The following MARK2 variants were observed in gnomAD, a reference collection of about 807,000 sequenced individuals.
The protein encoded by MARK2 is microtubule affinity regulating kinase 2.
Under a neutral mutation model 89.8 loss-of-function variants are expected in MARK2, and 16 were observed. The observed-to-expected ratio is 0.18, with a 90% confidence interval of 0.12 to 0.27. The LOEUF (loss-of-function observed/expected upper bound fraction) is 0.27, where lower values mean the gene tolerates loss of function less well. MARK2 is among the 10% of genes least tolerant of loss of function. The probability of loss-of-function intolerance (pLI) is 1.00; values close to 1 mark genes in which losing one functional copy is unlikely to be tolerated. For missense variants in MARK2, 621 were observed against 1,049.9 expected, an observed-to-expected ratio of 0.59 and a Z score of 5.65; for synonymous variants, 382 against 399.5, an observed-to-expected ratio of 0.96 and a Z score of 0.52.
intron 1 of MARK2, among the ~76,000 whole-genome samples, chr11:63,847,113 A>G (rs1312100841): frequency 6.6e-6 from 1 of 151,994 alleles, no homozygotes; most frequent in Non-Finnish European, 1.5e-5. Flanking sequence ...ACAGAGTGAG[A>G]CCCCATCTCA....
At chr11:63,886,866 T>G (rs1939430524) in intron 1 of MARK2, among the ~76,000 whole-genome samples, 3 of 152,246 alleles carry the variant, frequency 2.0e-5, no homozygotes, top group South Asian at 4.1e-4. Flanking sequence ...TCTGTCACAT[T>G]GCAAAGCCCT....
At chr11:63,890,032 A>G (rs1939706135) in intron 1 of MARK2, among the ~76,000 whole-genome samples, 1 of 152,200 alleles carries the variant, frequency 6.6e-6, no homozygotes, top group South Asian at 2.1e-4. Context: ...GGCCAAGCTG[A>G]ATGGTGCAGC....
intron 1 of MARK2, among the ~76,000 whole-genome samples, chr11:63,887,902 G>C (rs573261923): frequency 7.9e-5 from 12 of 152,188 alleles, no homozygotes; most frequent in Non-Finnish European, 1.6e-4. Context: ...AAACTTGGAG[G>C]TGAGTGAGAA....
rs1315485311 is a variant in MARK2 at position 63,910,187 on chromosome 11, T to C, written c.*950T>C. 1 of 152,498 alleles carries C rather than the reference T, an allele frequency of 6.6e-6. No homozygotes were observed. Among genetic ancestry groups the C allele is most frequent in the Non-Finnish European group, 1.5e-5 (1 of 68,256 alleles). The allele number at this position is 152,498 out of a possible 1,614,324, so 9.4% of individuals were successfully genotyped here. A position where few individuals can be genotyped will look rare whatever the true frequency, so the allele number is the denominator to read the frequency against. On this transcript the variant is annotated 3_prime_UTR_variant, in exon 19 of 19. Transcript: ENST00000402010. ...TGGGCACTCTGTGATGGGGGAGCCTTTGTCTGAAAGCACAGCCCCCTCGCC... is the reference window on the plus strand; with the variant it reads ...TGGGCACTCTGTGATGGGGGAGCCTCTGTCTGAAAGCACAGCCCCCTCGCC...
At chr11:63,873,316 T>G (rs180839354) in intron 1 of MARK2, among the ~76,000 whole-genome samples, 6 of 152,294 alleles carry the variant, frequency 3.9e-5, no homozygotes, top group Non-Finnish European at 7.4e-5. Context: ...AGCTCCATTC[T>G]CTTGTTGCTA....
intron 1 of MARK2, chr11:63,868,839 A>ATAGTGGG (rs1938284358): frequency 2.2e-6 from 1 of 455,946 alleles, no homozygotes; most frequent in African/African-American, 2.0e-5. Context: ...GGAGTTATTT[A>ATAGTGGG]TAGTGGGAGA....
chr11:63,854,167 C>CCAGTCTTTTATTTTATCAACCCTTTAA (rs2016716997), intron 1 of MARK2, among the ~76,000 whole-genome samples: 1 of 147,534 alleles, frequency 6.8e-6, no homozygotes, highest in Non-Finnish European at 1.5e-5. Context: ...GCCACCATGC[C>CCAGTCTTTTATTTTATCAACCCTTTAA]TGGCCAAGAC....
intron 1 of MARK2, among the ~76,000 whole-genome samples, chr11:63,880,919 C>T (rs945579554): frequency 2.0e-5 from 3 of 152,198 alleles, no homozygotes; most frequent in African/African-American, 4.8e-5. Flanking sequence ...ATGAAGACAT[C>T]GCAAAATGTT....
intron 16 of MARK2, among the ~76,000 whole-genome samples, chr11:63,905,691 G>T: frequency 6.6e-6 from 1 of 152,268 alleles, no homozygotes; most frequent in East Asian, 1.9e-4. Flanking sequence ...CCACAGAGGT[G>T]CAGCTTGAAG....
chr11:63,906,529 G>C (rs1941352050), intron 17 of MARK2, among the ~76,000 whole-genome samples: 1 of 150,618 alleles, frequency 6.6e-6, no homozygotes, highest in Non-Finnish European at 1.5e-5. Flanking sequence ...CAAGTGTTGG[G>C]ATCCTTTCCT....
intron 1 of MARK2, among the ~76,000 whole-genome samples, chr11:63,892,499 A>C (rs781273640): frequency 6.6e-6 from 1 of 152,000 alleles, no homozygotes; most frequent in Non-Finnish European, 1.5e-5. Flanking sequence ...TGAGTGCTTC[A>C]CGTACAGCCA....
intron 1 of MARK2, among the ~76,000 whole-genome samples, chr11:63,870,016 C>T (rs780403603): frequency 7.9e-5 from 12 of 152,198 alleles, no homozygotes; most frequent in Non-Finnish European, 1.3e-4. Context: ...AAATTGTTTG[C>T]GCAGAGCTGG....
intron 17 of MARK2, among the ~76,000 whole-genome samples, chr11:63,907,760 T>C (rs1234073231): frequency 6.6e-6 from 1 of 152,126 alleles, no homozygotes; most frequent in African/African-American, 2.4e-5. Flanking sequence ...GACAGGCCCT[T>C]GCGTAGCCAC....
intron 1 of MARK2, chr11:63,889,031 G>A: frequency 8.0e-7 from 1 of 1,246,218 alleles, no homozygotes; most frequent in African/African-American, 1.5e-5. Context: ...CTCAAACATA[G>A]GATCTTTAGA....
At chr11:63,868,492 A>G in intron 1 of MARK2, 2 of 272,838 alleles carry the variant, frequency 7.3e-6, no homozygotes, top group Non-Finnish European at 1.5e-5. Flanking sequence ...AGGTGTGGTA[A>G]TGACTACAGA....
chr11:63,901,997 GTGTT>G (rs1940932175), intron 11 of MARK2, among the ~76,000 whole-genome samples, 197 bp from the exon 12 acceptor site: 1 of 152,112 alleles, frequency 6.6e-6, no homozygotes, highest in Non-Finnish European at 1.5e-5. Context: ...TTCTGAGACT[GTGTT>G]TGTCAGTGTC....
At chr11:63,871,528 T>C (rs1168087590) in intron 1 of MARK2, among the ~76,000 whole-genome samples, 10 of 147,788 alleles carry the variant, frequency 6.8e-5, no homozygotes, top group African/African-American at 1.8e-4. Flanking sequence ...GAGTATTCAC[T>C]GTGTGCAGGT....
chr11:63,853,934 G>A (rs533949771), intron 1 of MARK2, among the ~76,000 whole-genome samples: 14 of 152,014 alleles, frequency 9.2e-5, no homozygotes, highest in Admixed American at 4.6e-4. Flanking sequence ...GTGCAATGGC[G>A]TGATCTGTGC....
Position 63,899,951 on chromosome 11 carries a change from G to A in MARK2, c.609G>A (p.Gly203=). Residue 203 remains glycine (G), a synonymous_variant, in exon 8 of 19, where the codon GGG becomes GGA. Coordinates refer to ENST00000402010, the MANE Select transcript of MARK2 (RefSeq NM_001039469.3). Reference sequence around the variant, plus strand: ...GCTTCAGCAATGAATTCACCTTTGGGAACAAGCTGGACACCTTCTGTGGCA... The same window carrying A: ...GCTTCAGCAATGAATTCACCTTTGGAAACAAGCTGGACACCTTCTGTGGCA... The part of the protein sequence containing the change: ...DFGFSNEFTF[G]NKLDTFCGSP... The A allele has an allele frequency of 1.2e-6, 2 of 1,614,148 alleles. No individual in the cohort carries two copies. The highest frequency in any genetic ancestry group is 1.7e-6 in the Non-Finnish European group (2 of 1,180,036).
Sources: allele counts gnomAD v4.1 joint callset (sites outside exome capture counted in the v4.1 genomes callset), GRCh38; gene constraint gnomAD v4.1.1; transcripts MANE v1.5; gene names NCBI Gene and HGNC (gene_info 2026-07-23, HGNC 2026-07-21).